The following NTM variants were observed in gnomAD, a reference collection of about 807,000 sequenced individuals.
The protein encoded by NTM is IgLON family member 2.
Under a neutral mutation model 42.1 loss-of-function variants are expected in NTM, and 13 were observed. The ratio of observed to expected loss-of-function variants is 0.31; its 90% confidence interval spans 0.20 to 0.49. NTM has a LOEUF of 0.49. NTM is among the 20% of genes least tolerant of loss of function. NTM has a pLI of 0.99. For synonymous variants in NTM, 187 were observed against 179.2 expected, an observed-to-expected ratio of 1.04 and a Z score of -0.35; for missense variants, 373 against 452.8, an observed-to-expected ratio of 0.82 and a Z score of 1.60.
chr11:131,794,448 T>C (rs2091318344), intron 1 of NTM: 1 of 983,894 alleles, frequency 1.0e-6, no homozygotes, highest in Non-Finnish European at 1.2e-6. Flanking sequence ...TGCTGTCACA[T>C]GAGGCGTTTG....
intron 2 of NTM, among the ~76,000 whole-genome samples, chr11:132,028,027 G>A (rs1427219142): frequency 6.7e-6 from 1 of 149,696 alleles, no homozygotes; most frequent in Non-Finnish European, 1.5e-5. Flanking sequence ...CTTCATTTCT[G>A]TTGATTTTTT....
chr11:131,926,935 G>T (rs116433269), intron 2 of NTM, among the ~76,000 whole-genome samples: 1 of 152,172 alleles, frequency 6.6e-6, no homozygotes, highest in Non-Finnish European at 1.5e-5. Flanking sequence ...CCAATTTGAC[G>T]TTTTACCTGT....
intron 1 of NTM, among the ~76,000 whole-genome samples, chr11:131,902,361 C>T (rs943306331): frequency 2.0e-5 from 3 of 152,226 alleles, no homozygotes; most frequent in African/African-American, 7.2e-5. Flanking sequence ...CACCACTTCA[C>T]CTGCTCCTCA....
intron 1 of NTM, among the ~76,000 whole-genome samples, chr11:131,568,629 T>A (rs1471808805): frequency 6.6e-6 from 1 of 152,118 alleles, no homozygotes; most frequent in Non-Finnish European, 1.5e-5. Flanking sequence ...ACACCACCAC[T>A]GAGACAATCC....
chr11:132,288,635 T>C (rs1341094319), intron 4 of NTM, among the ~76,000 whole-genome samples: 5 of 152,202 alleles, frequency 3.3e-5, no homozygotes, highest in South Asian at 2.1e-4. Context: ...TTCTTTTTTT[T>C]TGGGACAGAG....
intron 6 of NTM, 121 bp from the exon 7 acceptor site, chr11:132,314,431 T>C (rs1408690375): frequency 1.5e-5 from 16 of 1,067,186 alleles, no homozygotes; most frequent in Non-Finnish European, 1.5e-5. Context: ...GATCAAATAA[T>C]GGTTATAATG....
intron 2 of NTM, among the ~76,000 whole-genome samples, chr11:132,054,144 G>A (rs148090113): frequency 6.6e-6 from 1 of 152,350 alleles, no homozygotes; most frequent in East Asian, 1.9e-4. Flanking sequence ...GAGCCTGAGA[G>A]GTAGAGGTTG....
chr11:132,211,079 A>C (rs963904466), intron 3 of NTM, among the ~76,000 whole-genome samples: 1 of 152,196 alleles, frequency 6.6e-6, no homozygotes, highest in Non-Finnish European at 1.5e-5. Context: ...CCAAAAGGGC[A>C]GAGAAGTATA....
chr11:131,895,532 T>A (rs564561314), intron 1 of NTM, among the ~76,000 whole-genome samples: 2 of 152,254 alleles, frequency 1.3e-5, no homozygotes, highest in African/African-American at 4.8e-5. Flanking sequence ...GAACAAGAAA[T>A]GGCAACTGCC....
At chr11:131,975,139 A>AT (rs1565863118) in intron 2 of NTM, among the ~76,000 whole-genome samples, 3 of 151,684 alleles carry the variant, frequency 2.0e-5, no homozygotes, top group Admixed American at 1.3e-4. Flanking sequence ...CTTTCTTCTT[A>AT]TTTTTTGCCT....
At chr11:132,276,144 G>T (rs2093719444) in intron 4 of NTM, among the ~76,000 whole-genome samples, 4 of 152,014 alleles carry the variant, frequency 2.6e-5, no homozygotes, top group South Asian at 2.1e-4. Context: ...TGCCCTCCAG[G>T]TTCATTCATG....
At chr11:132,032,147 C>A (rs985340636) in intron 2 of NTM, among the ~76,000 whole-genome samples, 1 of 152,188 alleles carries the variant, frequency 6.6e-6, no homozygotes, top group African/African-American at 2.4e-5. Flanking sequence ...ACTGACCATG[C>A]ATCCACTACT....
chr11:132,021,406 T>C (rs986467284), intron 2 of NTM, among the ~76,000 whole-genome samples: 7 of 151,344 alleles, frequency 4.6e-5, no homozygotes, highest in Non-Finnish European at 8.8e-5. Flanking sequence ...TTGCCTACTT[T>C]GTTTTGTATG....
chr11:132,242,455 GAGAA>G (rs1272385128), intron 4 of NTM, among the ~76,000 whole-genome samples: 1 of 152,180 alleles, frequency 6.6e-6, no homozygotes, highest in African/African-American at 2.4e-5. Flanking sequence ...GTGCAAGAGG[GAGAA>G]AGAAAGAATA....
intron 3 of NTM, among the ~76,000 whole-genome samples, chr11:132,196,780 G>A (rs576328043): frequency 7.2e-5 from 11 of 152,222 alleles, no homozygotes; most frequent in Non-Finnish European, 1.3e-4. Flanking sequence ...TTGAGAGGGG[G>A]AGGATGGGAG....
chr11:131,794,992 G>A lies in NTM; in HGVS notation c.83-116572G>A, dbSNP rs1167519842. ...CTCACTGGAGGGGCAGCCTTGGGCA[G>A]GCTACAGAAGTACTCAGCCGTGCTC... On this transcript the variant is annotated intron_variant, in intron 1 of 8. Transcript: ENST00000683400. 5.1e-6 allele frequency: 5 copies of A among 985,278 alleles called. No individual in the cohort carries two copies. In the East Asian group the frequency reaches 4.5e-4, roughly 89 times the overall value. The allele number at this position is 985,278 out of a possible 1,614,324, so 61.0% of individuals were successfully genotyped here. A position where few individuals can be genotyped will look rare whatever the true frequency, so the allele number is the denominator to read the frequency against.
Position 131,826,619 on chromosome 11 carries a change from A to C in NTM, c.83-84945A>C, listed in dbSNP as rs188266564. ...AAATGGCGCAGTGGAAGGTGAAAAA[A>C]GAATGGAGGAAAGAAGAGCAAAGGC... On this transcript the variant is annotated intron_variant, in intron 1 of 8. Coordinates refer to ENST00000683400, the MANE Select transcript of NTM (RefSeq NM_001352005.2). Among the ~76,000 whole-genome samples, 638 of 152,194 alleles carry C rather than the reference A, an allele frequency of 4.2e-3. 1 individual carries two copies. Among genetic ancestry groups the C allele is most frequent in the African/African-American group, 0.015 (605 of 41,522 alleles).
chr11:131,595,596 T>A (rs1257190081), intron 1 of NTM, among the ~76,000 whole-genome samples: 1 of 152,228 alleles, frequency 6.6e-6, no homozygotes, highest in African/African-American at 2.4e-5. Flanking sequence ...AGCTGCTGAC[T>A]GTGGAGAAGG....
intron 1 of NTM, 46 bp from the exon 2 acceptor site, chr11:131,911,518 T>A: frequency 6.2e-7 from 1 of 1,614,174 alleles, no homozygotes; most frequent in Middle Eastern, 1.6e-4. Context: ...GCCCTGGAAG[T>A]GCCTCGTGGT....
Sources: allele counts gnomAD v4.1 joint callset (sites outside exome capture counted in the v4.1 genomes callset), GRCh38; gene constraint gnomAD v4.1.1; transcripts MANE v1.5; gene names NCBI Gene and HGNC (gene_info 2026-07-23, HGNC 2026-07-21).